Variants in UBLCP1 observed in about 807,000 individuals in gnomAD.
UBLCP1 encodes ubiquitin-like domain-containing CTD phosphatase 1.
Under a neutral mutation model 42.4 loss-of-function variants are expected in UBLCP1, and 28 were observed. The observed-to-expected ratio is 0.66, with a 90% CI of 0.49 to 0.90. The LOEUF is 0.90. Ranked by LOEUF, UBLCP1 falls within the 40% of genes least tolerant of loss-of-function variation. The probability of loss-of-function intolerance (pLI) is 0.00; values close to 1 mark genes in which losing one functional copy is unlikely to be tolerated. For missense variants in UBLCP1, 279 were observed against 374.5 expected, an observed-to-expected ratio of 0.75 and a Z score of 2.10; for synonymous variants, 122 against 120.8, an observed-to-expected ratio of 1.01 and a Z score of -0.07.
At position 159,278,248 on chromosome 5, in the gene UBLCP1, T is replaced by A; in HGVS notation, c.695T>A (p.Leu232His). Residue 232 changes from leucine to histidine, a missense_variant, in exon 9 of 11, where the codon CTT becomes CAT. Coordinates refer to ENST00000296786, the MANE Select transcript of UBLCP1 (RefSeq NM_145049.5). Reference protein sequence around the residue: ...PRRGLIDVKPLGVIWGKFSEF... With the variant: ...PRRGLIDVKPHGVIWGKFSEF... ...AACTTTTATTCTAAGGTAAAGCCTC[T>A]TGGTGTTATATGGGGAAAGTTTTCG... The A allele has an allele frequency of 1.2e-6, 2 of 1,610,468 alleles. No individual in the cohort carries two copies. Among genetic ancestry groups the A allele is most frequent in the Non-Finnish European group, 1.7e-6 (2 of 1,176,756 alleles).
intron 2 of UBLCP1, among the ~76,000 whole-genome samples, chr5:159,269,348 C>T (rs573515393): frequency 4.6e-5 from 7 of 152,280 alleles, no homozygotes; most frequent in East Asian, 1.9e-4. Context: ...ACAGAAGTCC[C>T]GGATGAAACT....
intron 9 of UBLCP1, among the ~76,000 whole-genome samples, chr5:159,281,056 A>G (rs1163617131): frequency 6.6e-6 from 1 of 152,232 alleles, no homozygotes; most frequent in Non-Finnish European, 1.5e-5. Context: ...AAGTGAAGTC[A>G]ATTAGGTGCA....
chr5:159,285,196 C>CCACA lies in UBLCP1; in HGVS notation c.*310_*313dup, dbSNP rs70987962. The CCACA allele has an allele frequency of 0.032, 8,149 of 251,742 alleles. 481 individuals are homozygous for CCACA. The highest frequency in any genetic ancestry group is 0.084 in the African/African-American group (2,588 of 30,668). 15.6% of individuals were successfully genotyped at this position (251,742 alleles called of 1,614,324 possible). ...GGTTACTGACCACCCCACCCTCCCA[C>CCACA]CACACACACACACACACACACACAC... On this transcript the variant is annotated 3_prime_UTR_variant, in exon 11 of 11. Coordinates refer to ENST00000296786, the MANE Select transcript of UBLCP1 (RefSeq NM_145049.5).
chr5:159,268,766 C>G, intron 1 of UBLCP1, 104 bp from the exon 2 acceptor site: 1 of 806,546 alleles, frequency 1.2e-6, no homozygotes, highest in Non-Finnish European at 1.8e-6. Flanking sequence ...TCCTCTCTAT[C>G]ATAAGTTGTA....
intron 9 of UBLCP1, among the ~76,000 whole-genome samples, chr5:159,282,703 A>G (rs1753622665): frequency 6.6e-6 from 1 of 152,144 alleles, no homozygotes. Context: ...TGATAAAGAA[A>G]AATGCTTATG....
chr5:159,283,642 A>G (rs1038881352), intron 10 of UBLCP1, among the ~76,000 whole-genome samples: 15 of 152,088 alleles, frequency 9.9e-5, no homozygotes, highest in Non-Finnish European at 2.2e-4. Context: ...TAGGTAAGCT[A>G]CTCCTTTATG....
chr5:159,283,379 T>C, intron 10 of UBLCP1, 40 bp downstream of exon 10: 1 of 1,495,934 alleles, frequency 6.7e-7, no homozygotes, highest in Non-Finnish European at 9.0e-7. Context: ...TTTACATCAA[T>C]GAAGAAAAAA....
chr5:159,279,971 C>A (rs1368437), intron 9 of UBLCP1, among the ~76,000 whole-genome samples: 8 of 151,790 alleles, frequency 5.3e-5, no homozygotes, highest in Non-Finnish European at 1.2e-4. Context: ...CTTTGTTTTC[C>A]TAACCAACAT....
intron 1 of UBLCP1, among the ~76,000 whole-genome samples, chr5:159,265,978 C>G (rs1046144804): frequency 6.6e-6 from 1 of 152,172 alleles, no homozygotes; most frequent in African/African-American, 2.4e-5. Flanking sequence ...GCCACTGTGG[C>G]CAGCCTTGGG....
intron 1 of UBLCP1, among the ~76,000 whole-genome samples, chr5:159,263,974 T>G (rs1396824034): frequency 6.6e-6 from 1 of 152,228 alleles, no homozygotes; most frequent in Non-Finnish European, 1.5e-5. Context: ...CAGCTGTTGG[T>G]TCAGGATTGT....
chr5:159,278,022 G>A (rs1289190750), intron 8 of UBLCP1, among the ~76,000 whole-genome samples: 1 of 152,128 alleles, frequency 6.6e-6, no homozygotes, highest in Non-Finnish European at 1.5e-5. Flanking sequence ...AATGGGTTTA[G>A]TTCAGTTGGA....
intron 9 of UBLCP1, among the ~76,000 whole-genome samples, chr5:159,282,498 A>G (rs2113323476): frequency 6.6e-6 from 1 of 152,270 alleles, no homozygotes; most frequent in Admixed American, 6.5e-5. Flanking sequence ...CCGCCACTCA[A>G]GTCAAGATAT....
chr5:159,284,357 T>C (rs1753644822), intron 10 of UBLCP1, among the ~76,000 whole-genome samples: 1 of 152,208 alleles, frequency 6.6e-6, no homozygotes, highest in African/African-American at 2.4e-5. Flanking sequence ...GTTTTTAATT[T>C]AGTGGTAGAT....
intron 9 of UBLCP1, among the ~76,000 whole-genome samples, chr5:159,281,064 G>A (rs1363417468): frequency 1.3e-5 from 2 of 152,194 alleles, no homozygotes; most frequent in African/African-American, 2.4e-5. Context: ...TCAATTAGGT[G>A]CATAGATTTT....
At position 159,275,174 on chromosome 5, in the gene UBLCP1, T is replaced by G. The variant is rs1753518055; in HGVS notation, c.612T>G (p.Asn204Lys). The G allele has an allele frequency of 6.2e-7, 1 of 1,613,314 alleles. No homozygotes were observed. The highest frequency in any genetic ancestry group is 2.2e-5 in the East Asian group (1 of 44,746). The change falls in exon 8 of 11, where the codon AAT (asparagine) becomes AAG (lysine). Residue 204 changes from asparagine to lysine, a missense_variant. Transcript: ENST00000296786. ...MKELGVSTNA[N>K]YKITFMLDSA... ...AGCTGGGAGTGAGCACAAATGCAAA[T>G]TATAAGATTACTTTCATGTTGGATA...
intron 6 of UBLCP1, among the ~76,000 whole-genome samples, chr5:159,273,654 T>C (rs1041092392): frequency 2.0e-5 from 3 of 152,194 alleles, no homozygotes; most frequent in Admixed American, 6.5e-5. Context: ...ACAAAGTAAG[T>C]ACCGGATTAA....
At chr5:159,281,274 T>A (rs981668928) in intron 9 of UBLCP1, among the ~76,000 whole-genome samples, 5 of 152,218 alleles carry the variant, frequency 3.3e-5, no homozygotes, top group African/African-American at 1.2e-4. Context: ...CATTATATAT[T>A]AATTGCTTAA....
intron 1 of UBLCP1, among the ~76,000 whole-genome samples, chr5:159,265,741 A>G (rs546175773): frequency 2.6e-5 from 4 of 152,186 alleles, no homozygotes; most frequent in South Asian, 2.1e-4. Context: ...TGCCACTGCC[A>G]TGTAAGAAGT....
intron 1 of UBLCP1, among the ~76,000 whole-genome samples, chr5:159,265,069 C>T (rs1753368144): frequency 6.6e-6 from 1 of 151,978 alleles, no homozygotes; most frequent in Non-Finnish European, 1.5e-5. Context: ...AATACGTTAC[C>T]CTAAATTAAG....
Sources: gnomAD v4.1 joint callset for allele counts (sites outside exome capture counted in the v4.1 genomes callset) on GRCh38, gnomAD v4.1.1 for gene constraint, MANE v1.5 for transcripts, NCBI Gene and HGNC (gene_info 2026-07-23, HGNC 2026-07-21) for gene names.